Variants in CDH13 observed in about 807,000 individuals in gnomAD.
CDH13 encodes the protein cadherin-13.
CDH13 carries 24 observed loss-of-function variants against 63.8 expected under a neutral mutation model. The ratio of observed to expected loss-of-function variants is 0.38; its 90% CI spans 0.27 to 0.53. The LOEUF (loss-of-function observed/expected upper bound fraction) is 0.53. Among genes scored for constraint, CDH13 ranks in the 20% least tolerant of loss-of-function variants. The pLI, the probability that CDH13 is intolerant of heterozygous loss-of-function variation, is 0.85. For missense variants in CDH13, 1,049 were observed against 903.1 expected (o/e 1.16, Z -2.07); for synonymous variants, 503 against 355.3 (o/e 1.42, Z -4.67).
chr16:83,126,442 T>C (rs1348407013), intron 4 of CDH13, among the ~76,000 whole-genome samples: 1 of 152,104 alleles, frequency 6.6e-6, no homozygotes, highest in African/African-American at 2.4e-5. Flanking sequence ...TGTTTGGGCA[T>C]GTCAGGGCAC....
chr16:83,748,339 G>A (rs985811628), intron 11 of CDH13, 89 bp downstream of exon 11: 1 of 1,230,570 alleles, frequency 8.1e-7, no homozygotes, highest in Non-Finnish European at 1.1e-6. Flanking sequence ...ACACCCAGGG[G>A]TGTTCTTGGG....
chr16:83,355,771 C>T (rs1280502600), intron 6 of CDH13, among the ~76,000 whole-genome samples: 2 of 152,142 alleles, frequency 1.3e-5, no homozygotes, highest in Non-Finnish European at 2.9e-5. Flanking sequence ...CACTGTTACA[C>T]AGGGGAACGT....
At chr16:82,762,054 T>C (rs1227116931) in intron 1 of CDH13, among the ~76,000 whole-genome samples, 1 of 152,174 alleles carries the variant, frequency 6.6e-6, no homozygotes, top group Non-Finnish European at 1.5e-5. Context: ...CAAGTGGAGC[T>C]GGAAAGTGAA....
At chr16:83,432,251 CT>C (rs2072141613) in intron 6 of CDH13, among the ~76,000 whole-genome samples, 1 of 152,164 alleles carries the variant, frequency 6.6e-6, no homozygotes, top group African/African-American at 2.4e-5. Context: ...CCAACATGAG[CT>C]GCTGGGACAC....
At chr16:83,565,448 C>G (rs1904274882) in intron 7 of CDH13, among the ~76,000 whole-genome samples, 1 of 143,662 alleles carries the variant, frequency 7.0e-6, no homozygotes, top group Non-Finnish European at 1.5e-5. Context: ...CTCTTCTTTC[C>G]CCAAGAGTAC....
intron 5 of CDH13, among the ~76,000 whole-genome samples, chr16:83,226,178 G>A (rs910817773): frequency 2.0e-5 from 3 of 152,064 alleles, no homozygotes; most frequent in Non-Finnish European, 4.4e-5. Context: ...TCGTCTCTTC[G>A]TATTTCCAAG....
chr16:82,934,783 C>T (rs529992984), intron 2 of CDH13, among the ~76,000 whole-genome samples: 4 of 152,316 alleles, frequency 2.6e-5, no homozygotes, highest in African/African-American at 4.8e-5. Flanking sequence ...GCAAGAGTGA[C>T]CTTTGCTTCA....
At chr16:82,811,144 A>G (rs1307563054) in intron 1 of CDH13, among the ~76,000 whole-genome samples, 2 of 152,202 alleles carry the variant, frequency 1.3e-5, no homozygotes, top group East Asian at 3.8e-4. Context: ...GGTGTCCTGG[A>G]ACTGGTTCTG....
At chr16:83,376,140 G>A (rs1363274300) in intron 6 of CDH13, among the ~76,000 whole-genome samples, 1 of 152,120 alleles carries the variant, frequency 6.6e-6, no homozygotes, top group East Asian at 1.9e-4. Context: ...ATGGCCACCT[G>A]GCATTTTCCC....
At chr16:83,533,708 C>T (rs896783895) in intron 7 of CDH13, among the ~76,000 whole-genome samples, 1 of 150,576 alleles carries the variant, frequency 6.6e-6, no homozygotes, top group African/African-American at 2.4e-5. Flanking sequence ...GCAACCTCCA[C>T]CTCCTGGGTT....
At chr16:83,492,675 A>G (rs2074042241) in intron 7 of CDH13, among the ~76,000 whole-genome samples, 1 of 152,228 alleles carries the variant, frequency 6.6e-6, no homozygotes, top group African/African-American at 2.4e-5. Context: ...TTCAAAAGGC[A>G]GAATGCTAAG....
chr16:83,114,869 A>C (rs550634912), intron 3 of CDH13, among the ~76,000 whole-genome samples: 1 of 152,342 alleles, frequency 6.6e-6, no homozygotes, highest in East Asian at 1.9e-4. Flanking sequence ...TGAGTAGCAC[A>C]GAACTGTCCT....
intron 2 of CDH13, among the ~76,000 whole-genome samples, chr16:82,931,981 A>G (rs574388459): frequency 4.0e-4 from 61 of 152,296 alleles, no homozygotes; most frequent in Middle Eastern, 3.4e-3. Context: ...AAGCATCTTC[A>G]GAATGAAAAG....
At chr16:83,497,259 C>G (rs1308578985) in intron 7 of CDH13, among the ~76,000 whole-genome samples, 5 of 151,900 alleles carry the variant, frequency 3.3e-5, no homozygotes, top group African/African-American at 4.8e-5. Context: ...TTGGAACCAA[C>G]CCAAATGTCC....
chr16:83,579,046 A>G (rs183078069), intron 7 of CDH13, among the ~76,000 whole-genome samples: 143 of 152,366 alleles, frequency 9.4e-4, no homozygotes, highest in African/African-American at 3.2e-3. Context: ...ACAACCTTGC[A>G]AAGGCAATGA....
intron 2 of CDH13, among the ~76,000 whole-genome samples, chr16:82,972,120 C>T (rs1340530854): frequency 6.6e-6 from 1 of 152,180 alleles, no homozygotes; most frequent in Non-Finnish European, 1.5e-5. Flanking sequence ...AGGCTAAATC[C>T]CAAAATTGAA....
intron 1 of CDH13, among the ~76,000 whole-genome samples, chr16:82,847,743 C>T (rs368480539): frequency 9.4e-4 from 143 of 152,208 alleles, no homozygotes; most frequent in African/African-American, 3.2e-3. Context: ...TCCCAGTGAC[C>T]GTTTCTCTAG....
chr16:83,024,330 C>T (rs182258028), intron 2 of CDH13, among the ~76,000 whole-genome samples: 3 of 152,022 alleles, frequency 2.0e-5, no homozygotes, highest in African/African-American at 7.2e-5. Context: ...ATTATAAATA[C>T]TACATTCAAA....
At chr16:83,323,083 G>T (rs969412340) in intron 5 of CDH13, among the ~76,000 whole-genome samples, 2 of 151,948 alleles carry the variant, frequency 1.3e-5, no homozygotes, top group African/African-American at 4.8e-5. Context: ...GTGGTGGTTA[G>T]CCCACGGTCC....
Sources: gnomAD v4.1 joint callset for allele counts (sites outside exome capture counted in the v4.1 genomes callset) on GRCh38, gnomAD v4.1.1 for gene constraint, MANE v1.5 for transcripts, NCBI Gene and HGNC (gene_info 2026-07-23, HGNC 2026-07-21) for gene names.